The following CENATAC variants were observed in gnomAD, a reference collection of about 807,000 sequenced individuals.
CENATAC encodes coiled-coil domain containing 84.
Under a neutral mutation model 53.7 loss-of-function variants are expected in CENATAC, and 53 were observed. The observed-to-expected ratio is 0.99, with a 90% CI of 0.79 to 1.24. CENATAC has a LOEUF of 1.24. CENATAC is among the 50% of genes most tolerant of loss of function. CENATAC has a pLI of 0.00. For missense variants in CENATAC, 474 were observed against 417.8 expected, an observed-to-expected ratio of 1.13 and a Z score of -1.17; for synonymous variants, 156 against 144.6, an observed-to-expected ratio of 1.08 and a Z score of -0.57.
chr11:119,004,938 T>C (rs1252877457), intron 3 of CENATAC: 2 of 152,018 alleles, frequency 1.3e-5, no homozygotes, highest in African/African-American at 4.8e-5. Context: ...CATTTGCCTG[T>C]AGTGCTAGCT....
At position 118,998,228 on chromosome 11, in the gene CENATAC, C is replaced by T. The variant is rs782696702; in HGVS notation, c.31C>T (p.Arg11Cys). 4.4e-6 allele frequency: 7 copies of T among 1,584,804 alleles called. No individual in the cohort carries two copies. Among genetic ancestry groups the T allele is most frequent in the Non-Finnish European group, 2.6e-6 (3 of 1,166,066 alleles). The part of the protein sequence containing the change: MAPAQRCPLC[R>C]QTFFCGRGHV... ...GCCGGCGCAGCGCTGCCCTCTGTGC[C>T]GCCAGACCTTCTTCTGTGGTCGCGG... The change falls in exon 1 of 11, where the codon CGC (arginine) becomes TGC (cysteine). Residue 11 changes from arginine (R) to cysteine (C), a missense_variant. Coordinates refer to ENST00000334418, the MANE Select transcript of CENATAC (RefSeq NM_198489.3).
intron 8 of CENATAC, among the ~76,000 whole-genome samples, chr11:119,013,696 C>T (rs934138281): frequency 6.6e-6 from 1 of 151,988 alleles, no homozygotes; most frequent in African/African-American, 2.4e-5. Flanking sequence ...ATCTCCTGAC[C>T]TCGTGATCCA....
intron 3 of CENATAC, chr11:119,001,848 G>A: frequency 3.0e-6 from 1 of 337,286 alleles, no homozygotes; most frequent in South Asian, 2.3e-5. Context: ...CTTGAGCCCA[G>A]GAGTTTGAGG....
At position 119,015,702 on chromosome 11, in the gene CENATAC, T is replaced by C. The variant is rs1413787764; in HGVS notation, c.*104T>C. On this transcript the variant is annotated 3_prime_UTR_variant, in exon 11 of 11. Transcript: ENST00000334418. ...CATTGTCTTTCTTAGGAAACAGACA[T>C]ACTCATTCATTTGATTTAATAAAGT... 3.0e-5 allele frequency: 40 copies of C among 1,317,178 alleles called. No individual in the cohort carries two copies. In the East Asian group the frequency reaches 3.2e-4, roughly 11 times the overall value. The allele number at this position is 1,317,178 out of a possible 1,614,324, so 81.6% of individuals were successfully genotyped here.
chr11:119,005,092 T>C (rs1031789282), intron 3 of CENATAC, among the ~76,000 whole-genome samples: 1 of 150,916 alleles, frequency 6.6e-6, no homozygotes, highest in Non-Finnish European at 1.5e-5. Flanking sequence ...AGCCAATACC[T>C]GGAAACTTTG....
In CENATAC at chr11:119,015,010, G is replaced by A; in HGVS notation, c.732G>A (p.Trp244Ter). ...TTTTTTCAGGTGCCACACCTCCCTG[G>A]ATGATCCAAGATGAAGAATACATTG... ...GNIHSGATPP[W>*]MIQDEEYIAG... The change falls in exon 9 of 11, where the codon TGG becomes TGA. Residue 244 changes from tryptophan (W) to a stop codon, truncating the protein, a stop_gained. Transcript: ENST00000334418. LOFTEE classifies it high-confidence loss of function. 1 of 1,604,970 alleles carries A rather than the reference G, an allele frequency of 6.2e-7. No individual in the cohort carries two copies. Among genetic ancestry groups the A allele is most frequent in the Non-Finnish European group, 8.5e-7 (1 of 1,176,822 alleles).
intron 3 of CENATAC, chr11:119,002,896 C>T (rs968562173): frequency 6.1e-6 from 2 of 325,774 alleles, no homozygotes; most frequent in Non-Finnish European, 1.2e-5. Context: ...AGCAATTCTC[C>T]TGCCTCAGCC....
chr11:119,013,864 C>G (rs1409889230), intron 8 of CENATAC, among the ~76,000 whole-genome samples: 1 of 151,198 alleles, frequency 6.6e-6, no homozygotes, highest in Non-Finnish European at 1.5e-5. Flanking sequence ...GATAAGGAAA[C>G]AACCCAATAA....
chr11:119,011,800 A>G, intron 5 of CENATAC, 139 bp from the exon 6 acceptor site: 1 of 702,558 alleles, frequency 1.4e-6, no homozygotes, highest in Non-Finnish European at 2.5e-6. Flanking sequence ...GGGAGGGAAG[A>G]GTCTGTAAAA....
chr11:119,003,728 C>A (rs554413596), intron 3 of CENATAC: 11 of 164,092 alleles, frequency 6.7e-5, no homozygotes, highest in Admixed American at 4.5e-4. Flanking sequence ...AAGCGATTCT[C>A]CTGCCTCAGC....
At position 119,011,625 on chromosome 11, in the gene CENATAC, C is replaced by T. The variant is rs576327755; in HGVS notation, c.514-314C>T. On this transcript the variant is annotated intron_variant, in intron 5 of 10. Coordinates refer to ENST00000334418, the MANE Select transcript of CENATAC (RefSeq NM_198489.3). Reference sequence around the variant, plus strand: ...AACTCCTGACCTCAGGTGATCCACCCGCCTCAGCCTGCTGGAATTACAAGC... The same window carrying T: ...AACTCCTGACCTCAGGTGATCCACCTGCCTCAGCCTGCTGGAATTACAAGC... Among the ~76,000 whole-genome samples the T allele has an allele frequency of 2.6e-5, 4 of 152,268 alleles. No individual in the cohort carries two copies. In the East Asian group the frequency reaches 5.8e-4, roughly 22 times the overall value.
At chr11:119,012,357 C>A in intron 7 of CENATAC, 103 bp downstream of exon 7, 1 of 1,266,000 alleles carries the variant, frequency 7.9e-7, no homozygotes, top group Non-Finnish European at 1.1e-6. Flanking sequence ...GCCTCCACTG[C>A]AGGCTTTTCC....
At chr11:119,010,477 T>G in intron 3 of CENATAC, 1 of 420,178 alleles carries the variant, frequency 2.4e-6, no homozygotes, top group South Asian at 4.8e-5. Flanking sequence ...AATGGTATCA[T>G]GGTTGTATAG....
chr11:119,004,253 A>ATT (rs1228690919), intron 3 of CENATAC, among the ~76,000 whole-genome samples: 6 of 146,806 alleles, frequency 4.1e-5, no homozygotes, highest in African/African-American at 1.2e-4. Context: ...TGATTTTCAG[A>ATT]TTTTTTTTTT....
At chr11:119,012,418 C>A in intron 7 of CENATAC, 164 bp downstream of exon 7, 1 of 698,376 alleles carries the variant, frequency 1.4e-6, no homozygotes, top group Non-Finnish European at 2.3e-6. Context: ...TCTCACCCTC[C>A]AAAGCGATCC....
chr11:119,006,662 C>T (rs557944476), intron 3 of CENATAC, among the ~76,000 whole-genome samples: 2 of 152,352 alleles, frequency 1.3e-5, no homozygotes, highest in Admixed American at 6.5e-5. Context: ...AGCCACTGCG[C>T]CTGGCTTAGT....
In CENATAC at chr11:119,013,228, A is replaced by G; in HGVS notation, c.685-4A>G. 2 of 1,605,966 alleles carry G rather than the reference A, an allele frequency of 1.2e-6. No homozygotes were observed. The highest frequency in any genetic ancestry group is 1.7e-6 in the Non-Finnish European group (2 of 1,176,232). On this transcript the variant is annotated splice_polypyrimidine_tract_variant and splice_region_variant and intron_variant, in intron 7 of 10. Coordinates refer to ENST00000334418, the MANE Select transcript of CENATAC (RefSeq NM_198489.3). ...AGCACTTTTTTTCCCATTTCCAACT[A>G]CAGGATATACCAGGAGTTGGTAACA...
intron 3 of CENATAC, chr11:119,003,485 A>C (rs1302083546): frequency 2.3e-6 from 1 of 432,858 alleles, no homozygotes; most frequent in Non-Finnish European, 4.4e-6. Flanking sequence ...TTTCGTAGAG[A>C]TAGGGTGTCA....
intron 3 of CENATAC, chr11:119,005,774 T>C (rs1479819261): frequency 6.6e-6 from 1 of 152,134 alleles, no homozygotes; most frequent in Non-Finnish European, 1.5e-5. Context: ...TGTGTCTTCA[T>C]TGTCCTGCAC....
Sources: allele counts gnomAD v4.1 joint callset (sites outside exome capture counted in the v4.1 genomes callset), GRCh38; gene constraint gnomAD v4.1.1; transcripts MANE v1.5; gene names NCBI Gene and HGNC (gene_info 2026-07-23, HGNC 2026-07-21).